Variants in RSPO2 observed in about 807,000 individuals in gnomAD.
RSPO2 encodes R-spondin 2, also known as R-spondin-2.
In RSPO2, 14 loss-of-function variants were observed where a neutral mutation model predicts 30.9. That is an observed-to-expected ratio of 0.45 (90% CI 0.30 to 0.71). The LOEUF is 0.71. Ranked by LOEUF, RSPO2 falls within the 30% of genes least tolerant of loss-of-function variation. RSPO2 has a pLI of 0.08. For synonymous variants in RSPO2, 107 were observed against 96.4 expected (o/e 1.11, Z -0.64); for missense variants, 264 against 301.9 (o/e 0.87, Z 0.93).
intron 5 of RSPO2, among the ~76,000 whole-genome samples, chr8:107,941,612 G>A (rs2130375786): frequency 6.6e-6 from 1 of 152,262 alleles, no homozygotes; most frequent in Non-Finnish European, 1.5e-5. Flanking sequence ...AATGAAATTT[G>A]TATCACTATA....
intron 2 of RSPO2, among the ~76,000 whole-genome samples, chr8:108,068,702 G>A (rs1184517687): frequency 6.6e-6 from 1 of 152,126 alleles, no homozygotes; most frequent in Non-Finnish European, 1.5e-5. Context: ...TCTGACAAAA[G>A]AAATAAACCC....
chr8:108,007,701 G>A (rs551141593), intron 2 of RSPO2, among the ~76,000 whole-genome samples: 5 of 152,086 alleles, frequency 3.3e-5, no homozygotes, highest in African/African-American at 1.2e-4. Flanking sequence ...GTACCCCCAA[G>A]AACAATGTAT....
At chr8:107,995,785 C>G (rs189261969) in intron 2 of RSPO2, among the ~76,000 whole-genome samples, 6 of 152,098 alleles carry the variant, frequency 3.9e-5, no homozygotes, top group African/African-American at 1.4e-4. Flanking sequence ...ATAATTCAGG[C>G]CTTTATCACT....
At chr8:107,927,725 C>A (rs1161944558) in intron 5 of RSPO2, among the ~76,000 whole-genome samples, 1 of 152,134 alleles carries the variant, frequency 6.6e-6, no homozygotes, top group Non-Finnish European at 1.5e-5. Flanking sequence ...GTTGAACCAG[C>A]CTTGCATCCC....
chr8:107,995,088 G>A (rs1303429550), intron 2 of RSPO2, among the ~76,000 whole-genome samples: 2 of 151,980 alleles, frequency 1.3e-5, no homozygotes, highest in Non-Finnish European at 2.9e-5. Flanking sequence ...AGGAATCAAG[G>A]CCAATATAAC....
At chr8:108,059,436 C>T (rs1341299709) in intron 2 of RSPO2, among the ~76,000 whole-genome samples, 1 of 151,570 alleles carries the variant, frequency 6.6e-6, no homozygotes, top group Non-Finnish European at 1.5e-5. Flanking sequence ...TTGTGGAAGT[C>T]AGTGTGGCGA....
intron 2 of RSPO2, among the ~76,000 whole-genome samples, chr8:108,015,297 A>C (rs1463490208): frequency 6.6e-6 from 1 of 152,172 alleles, no homozygotes; most frequent in Non-Finnish European, 1.5e-5. Flanking sequence ...AGGTTATGTA[A>C]ATGTCAATAG....
rs1325399663 is a variant in RSPO2 at position 107,989,180 on chromosome 8, G to A, written c.159C>T (p.Ser53=). ...CLSCSKDNGC[S]RCQQKLFFFL... is the part of the protein sequence containing the mutation. ...AGAAGAACAACTTCTGTTGACATCGGCTACACCCATTGTCCTTTGAACAAG... is the reference window on the plus strand; with the variant it reads ...AGAAGAACAACTTCTGTTGACATCGACTACACCCATTGTCCTTTGAACAAG... Residue 53 remains serine (S), a synonymous_variant, in exon 3 of 6, where the codon AGC becomes AGT. Coordinates refer to ENST00000276659, the MANE Select transcript of RSPO2 (RefSeq NM_178565.5). 1.9e-6 allele frequency: 3 copies of A among 1,610,060 alleles called. No homozygotes were observed. The highest frequency in any genetic ancestry group is 2.5e-6 in the Non-Finnish European group (3 of 1,178,616).
At chr8:108,058,840 A>T (rs1000934663) in intron 2 of RSPO2, among the ~76,000 whole-genome samples, 2 of 151,760 alleles carry the variant, frequency 1.3e-5, no homozygotes, top group African/African-American at 4.9e-5. Context: ...CTTATATAAA[A>T]ATTAATTCAA....
intron 3 of RSPO2, among the ~76,000 whole-genome samples, chr8:107,969,394 T>C (rs371508455): frequency 6.6e-6 from 1 of 152,140 alleles, no homozygotes; most frequent in Non-Finnish European, 1.5e-5. Context: ...CAGTTCACTT[T>C]TTAAAAACTC....
chr8:108,053,133 T>C (rs1393769752), intron 2 of RSPO2, among the ~76,000 whole-genome samples: 1 of 152,150 alleles, frequency 6.6e-6, no homozygotes, highest in Non-Finnish European at 1.5e-5. Flanking sequence ...TGCTAGATAG[T>C]ACAACCTCGG....
At chr8:108,011,949 T>C (rs1810722894) in intron 2 of RSPO2, among the ~76,000 whole-genome samples, 1 of 152,220 alleles carries the variant, frequency 6.6e-6, no homozygotes, top group Non-Finnish European at 1.5e-5. Context: ...AGAGTATGTG[T>C]GTTTAATAGA....
chr8:108,038,049 A>G (rs987379615), intron 2 of RSPO2, among the ~76,000 whole-genome samples: 1 of 152,214 alleles, frequency 6.6e-6, no homozygotes, highest in Non-Finnish European at 1.5e-5. Flanking sequence ...CAGCTGCCAT[A>G]TATAGTGATT....
At chr8:107,949,260 G>T (rs1176188226) in intron 5 of RSPO2, among the ~76,000 whole-genome samples, 1 of 152,010 alleles carries the variant, frequency 6.6e-6, no homozygotes, top group South Asian at 2.1e-4. Flanking sequence ...ACAATATCTG[G>T]TTTTTTGTTT....
chr8:108,029,054 CTTTTTTTTT>C (rs71308771), intron 2 of RSPO2, among the ~76,000 whole-genome samples: 183 of 26,086 alleles, frequency 7.0e-3, no homozygotes, highest in African/African-American at 0.013. Flanking sequence ...TAACATGAGT[CTTTTTTTTT>C]TTTTTTTTTT....
chr8:107,988,509 A>C (rs932716855), intron 3 of RSPO2, among the ~76,000 whole-genome samples: 4 of 152,170 alleles, frequency 2.6e-5, no homozygotes, highest in African/African-American at 9.7e-5. Context: ...GTTGTGATTA[A>C]AAAACTACTT....
chr8:107,925,915 T>C (rs1168450903), intron 5 of RSPO2, among the ~76,000 whole-genome samples: 1 of 152,188 alleles, frequency 6.6e-6, no homozygotes, highest in African/African-American at 2.4e-5. Flanking sequence ...TTTGGGTATA[T>C]ACCTAGTAAT....
At chr8:107,951,044 T>TTTTTTG (rs1813225861) in intron 5 of RSPO2, among the ~76,000 whole-genome samples, 1 of 50,292 alleles carries the variant, frequency 2.0e-5, no homozygotes, top group African/African-American at 9.0e-5. Context: ...GGAGAATAAG[T>TTTTTTG]TTTTTTTTGT....
chr8:107,983,668 C>G, intron 3 of RSPO2: 1 of 1,593,032 alleles, frequency 6.3e-7, no homozygotes, highest in Non-Finnish European at 8.6e-7. Context: ...TGTGGAATTC[C>G]TTGTGGCAGA....
Sources: gnomAD v4.1 joint callset for allele counts (sites outside exome capture counted in the v4.1 genomes callset) on GRCh38, gnomAD v4.1.1 for gene constraint, MANE v1.5 for transcripts, NCBI Gene and HGNC (gene_info 2026-07-23, HGNC 2026-07-21) for gene names.